FXR1: variants seen among roughly 807,000 people sequenced by gnomAD.
The protein encoded by FXR1 is FMR1 autosomal homolog 1.
A neutral mutation model predicts 84.0 loss-of-function variants in FXR1; 15 were observed. The ratio of observed to expected loss-of-function variants is 0.18; its 90% CI spans 0.12 to 0.27. The LOEUF is 0.27. Among genes scored for constraint, FXR1 ranks in the 10% least tolerant of loss-of-function variants. FXR1 has a pLI of 1.00. For synonymous variants in FXR1, 245 were observed against 250.7 expected, an observed-to-expected ratio of 0.98 and a Z score of 0.21; for missense variants, 480 against 774.4, an observed-to-expected ratio of 0.62 and a Z score of 4.51.
rs1379600900 is a variant in FXR1, at chr3:180,977,743, AGTGTTGT to A, written c.*1455_*1461del. 1 of 152,112 alleles carries A rather than the reference AGTGTTGT, an allele frequency of 6.6e-6. No individual in the cohort carries two copies. The allele number at this position is 152,112 out of a possible 1,614,324, so 9.4% of individuals were successfully genotyped here. On this transcript the variant is annotated 3_prime_UTR_variant, in exon 17 of 17. Coordinates refer to ENST00000357559, the MANE Select transcript of FXR1 (RefSeq NM_005087.4). Reference sequence around the variant, plus strand: ...CTTTGTTATCACTTGGCATATGAAAAGTGTTGTGTGCATAGTTTGTGTTAATTTTTTA... The same window carrying A: ...CTTTGTTATCACTTGGCATATGAAAAGTGCATAGTTTGTGTTAATTTTTTA...
chr3:180,948,856 T>C (rs1292590401), intron 6 of FXR1, 42 bp downstream of exon 6: 1 of 854,810 alleles, frequency 1.2e-6, no homozygotes, highest in East Asian at 2.4e-5. Flanking sequence ...TTAATGGATA[T>C]TGCACAGATT....
At chr3:180,941,978 GTAAA>G (rs1559993291) in intron 3 of FXR1, among the ~76,000 whole-genome samples, 1 of 152,084 alleles carries the variant, frequency 6.6e-6, no homozygotes, top group Non-Finnish European at 1.5e-5. Context: ...TAGTTTAATA[GTAAA>G]TAATAGGAAA....
At chr3:180,952,809 T>G (rs1458346336) in intron 8 of FXR1, among the ~76,000 whole-genome samples, 1 of 150,056 alleles carries the variant, frequency 6.7e-6, no homozygotes, top group Non-Finnish European at 1.5e-5. Context: ...GTTTTAAAAT[T>G]TAAAAAAAAT....
intron 10 of FXR1, among the ~76,000 whole-genome samples, chr3:180,961,133 T>C (rs1240795229): frequency 6.6e-6 from 1 of 151,996 alleles, no homozygotes; most frequent in East Asian, 1.9e-4. Flanking sequence ...GGAGGATTGC[T>C]TGAGGCAAGG....
At chr3:180,927,563 CTTTT>C (rs1451380911) in intron 1 of FXR1, 1 of 584,292 alleles carries the variant, frequency 1.7e-6, no homozygotes, top group African/African-American at 2.0e-5. Context: ...AGTTGAGAAA[CTTTT>C]TGTTTTTCAG....
At chr3:180,969,813 T>C (rs981093618) in intron 14 of FXR1, among the ~76,000 whole-genome samples, 6 of 152,228 alleles carry the variant, frequency 3.9e-5, no homozygotes, top group Non-Finnish European at 4.4e-5. Context: ...TTTTTGTTTT[T>C]CTAGTCTCTG....
intron 1 of FXR1, among the ~76,000 whole-genome samples, chr3:180,924,080 T>C (rs1167458705): frequency 6.6e-6 from 1 of 152,098 alleles, no homozygotes; most frequent in African/African-American, 2.4e-5. Context: ...TCCCTCAGGC[T>C]CCCAGGTAGC....
intron 14 of FXR1, among the ~76,000 whole-genome samples, chr3:180,969,547 C>G (rs1366661372): frequency 6.6e-6 from 1 of 152,132 alleles, no homozygotes; most frequent in Non-Finnish European, 1.5e-5. Context: ...AGTCAGCATT[C>G]GTTTCAACAT....
At chr3:180,926,506 A>ATATATATTTTTT (rs72192827) in intron 1 of FXR1, among the ~76,000 whole-genome samples, 2 of 124,380 alleles carry the variant, frequency 1.6e-5, no homozygotes, top group African/African-American at 5.8e-5. Context: ...ATATATATAT[A>ATATATATTTTTT]TTTTTTTTTC....
intron 1 of FXR1, among the ~76,000 whole-genome samples, chr3:180,913,392 C>G (rs1717482528): frequency 6.6e-6 from 1 of 152,030 alleles, no homozygotes; most frequent in Non-Finnish European, 1.5e-5. Context: ...CCCTCTATTA[C>G]GGAAGAAAAG....
At chr3:180,925,334 T>G (rs1300499956) in intron 1 of FXR1, among the ~76,000 whole-genome samples, 5 of 149,966 alleles carry the variant, frequency 3.3e-5, no homozygotes, top group African/African-American at 1.2e-4. Flanking sequence ...CACTCCGGCC[T>G]GGGCAACAGA....
At chr3:180,971,161 T>G (rs1560024517) in intron 15 of FXR1, 1 of 1,213,628 alleles carries the variant, frequency 8.2e-7, no homozygotes, top group Non-Finnish European at 1.1e-6. Flanking sequence ...GCCAGGTAAC[T>G]TGAGTGGACC....
At chr3:180,924,804 C>G (rs1718979135) in intron 1 of FXR1, among the ~76,000 whole-genome samples, 2 of 152,004 alleles carry the variant, frequency 1.3e-5, no homozygotes, top group African/African-American at 4.8e-5. Flanking sequence ...AATGCAATTT[C>G]ATTATACCTA....
At chr3:180,946,944 G>A (rs1223386786) in intron 3 of FXR1, among the ~76,000 whole-genome samples, 2 of 152,144 alleles carry the variant, frequency 1.3e-5, no homozygotes, top group Admixed American at 1.3e-4. Flanking sequence ...GCTCTGCTGT[G>A]TCATAAGAAA....
chr3:180,927,568 T>C, intron 1 of FXR1: 7 of 590,240 alleles, frequency 1.2e-5, no homozygotes, highest in Non-Finnish European at 2.1e-5. Context: ...AGAAACTTTT[T>C]GTTTTTCAGC....
chr3:180,942,350 C>T (rs1721218926), intron 3 of FXR1, among the ~76,000 whole-genome samples: 1 of 126,688 alleles, frequency 7.9e-6, no homozygotes, highest in African/African-American at 3.0e-5. Context: ...TGCACTCCAG[C>T]CTGGGCGACA....
At position 180,947,886 on chromosome 3, in the gene FXR1, C is replaced by G; in HGVS notation, c.220C>G (p.Gln74Glu). 6.9e-6 allele frequency: 11 copies of G among 1,604,970 alleles called. No homozygotes were observed. The highest frequency in any genetic ancestry group is 8.5e-6 in the Non-Finnish European group (10 of 1,173,508). ...EVEVYSRAND[Q>E]EPCGWWLAKV... is the part of the protein sequence containing the mutation. Reference sequence around the variant, plus strand: ...TCAGGTATATTCAAGAGCAAATGACCAAGAGCCATGTGGGTGGTGGTTGGC... The same window carrying G: ...TCAGGTATATTCAAGAGCAAATGACGAAGAGCCATGTGGGTGGTGGTTGGC... Residue 74 changes from glutamine to glutamate, a missense_variant, in exon 4 of 17, where the codon CAA (glutamine) becomes GAA (glutamate). Physicochemically the swap from Gln to Glu is conservative, Grantham distance 29 (BLOSUM62 2). Coordinates refer to ENST00000357559, the MANE Select transcript of FXR1 (RefSeq NM_005087.4).
At chr3:180,913,779 A>G (rs184159951) in intron 1 of FXR1, among the ~76,000 whole-genome samples, 9 of 152,302 alleles carry the variant, frequency 5.9e-5, no homozygotes, top group South Asian at 2.1e-4. Flanking sequence ...CTGTCAGTCA[A>G]TCTCACTAAG....
chr3:180,964,800 C>A (rs967576741), intron 13 of FXR1, among the ~76,000 whole-genome samples: 5 of 150,980 alleles, frequency 3.3e-5, no homozygotes, highest in African/African-American at 1.2e-4. Context: ...GGACATCTTA[C>A]AACTTTAGCA....
Sources: allele counts gnomAD v4.1 joint callset (sites outside exome capture counted in the v4.1 genomes callset), GRCh38; gene constraint gnomAD v4.1.1; transcripts MANE v1.5; gene names NCBI Gene and HGNC (gene_info 2026-07-23, HGNC 2026-07-21).